Variants in MCPH1 observed in about 807,000 individuals in gnomAD.
MCPH1 encodes microcephalin.
In MCPH1, 104 loss-of-function variants were observed where a neutral mutation model predicts 84.5. The observed-to-expected ratio is 1.23, with a 90% CI of 1.05 to 1.45. MCPH1 has a LOEUF of 1.45. Among genes scored for constraint, MCPH1 ranks in the 40% most tolerant of loss-of-function variants. MCPH1 has a pLI of 0.00. For synonymous variants in MCPH1, 514 were observed against 366.8 expected (o/e 1.40, Z -4.58); for missense variants, 1,498 against 1,005.7 (o/e 1.49, Z -6.62).
chr8:6,419,312 A>G (rs1256790092), intron 3 of MCPH1, among the ~76,000 whole-genome samples: 1 of 152,182 alleles, frequency 6.6e-6, no homozygotes, highest in East Asian at 1.9e-4. Context: ...CTTGACCTCT[A>G]AGGCTCAATC....
At position 6,617,256 on chromosome 8, in the gene MCPH1, T is replaced by TGGG. The variant is rs35452133; in HGVS notation, c.2215-4190_2215-4188dup. On this transcript the variant is annotated intron_variant, in intron 12 of 13. Transcript: ENST00000344683. ...TGTATGAAAGTTATGGGTTTTTTGGTGGGGGGGGGGTGTTTTTTTTGTTTT... is the reference window on the plus strand; with the variant it reads ...TGTATGAAAGTTATGGGTTTTTTGGTGGGGGGGGGGGGGTGTTTTTTTTGTTTT... 1.9e-3 allele frequency: 210 copies of TGGG among 112,856 alleles called. 2 individuals are homozygous for TGGG. The highest frequency in any genetic ancestry group is 7.9e-3 in the African/African-American group (203 of 25,780). The allele number at this position is 112,856 out of a possible 1,614,324, so 7.0% of individuals were successfully genotyped here.
chr8:6,547,763 G>A (rs1412144294), intron 12 of MCPH1, among the ~76,000 whole-genome samples: 1 of 152,130 alleles, frequency 6.6e-6, no homozygotes, highest in Non-Finnish European at 1.5e-5. Context: ...CACTCGGTGG[G>A]AACAAAAGCT....
Position 6,502,948 on chromosome 8 carries a change from A to G in MCPH1, c.2214+3019A>G. ...GATGCAAGTTTAAGTGATAAAGTTTACAGGCTCTAATCTGGAGCATGTGGG... is the reference window on the plus strand; with the variant it reads ...GATGCAAGTTTAAGTGATAAAGTTTGCAGGCTCTAATCTGGAGCATGTGGG... On this transcript the variant is annotated intron_variant, in intron 12 of 13. Coordinates refer to ENST00000344683, the MANE Select transcript of MCPH1 (RefSeq NM_024596.5). 3 of 809,296 alleles carry G rather than the reference A, an allele frequency of 3.7e-6. No individual in the cohort carries two copies. In the East Asian group the frequency reaches 8.1e-5, roughly 22 times the overall value. 50.1% of individuals were successfully genotyped at this position (809,296 alleles called of 1,614,324 possible).
chr8:6,474,015 G>C (rs1306301103), intron 9 of MCPH1: 1 of 870,140 alleles, frequency 1.1e-6, no homozygotes, highest in Non-Finnish European at 1.9e-6. Context: ...TTGTCTTTTA[G>C]TTTCTTCTCA....
intron 3 of MCPH1, among the ~76,000 whole-genome samples, chr8:6,425,793 G>C (rs1331966138): frequency 6.6e-6 from 1 of 152,198 alleles, no homozygotes; most frequent in Non-Finnish European, 1.5e-5. Flanking sequence ...AATGGTAGTG[G>C]CTTTTCCAGC....
At chr8:6,619,263 A>T (rs1255727542) in intron 12 of MCPH1, 1 of 152,218 alleles carries the variant, frequency 6.6e-6, no homozygotes, top group Non-Finnish European at 1.5e-5. Context: ...TTTACTTTAT[A>T]CCCTTCCGTA....
chr8:6,464,602 C>T (rs560158010), intron 9 of MCPH1, among the ~76,000 whole-genome samples: 32 of 152,260 alleles, frequency 2.1e-4, no homozygotes, highest in African/African-American at 7.5e-4. Context: ...CCTCAGTGGT[C>T]GTCTTTGGCC....
intron 12 of MCPH1, among the ~76,000 whole-genome samples, chr8:6,538,226 C>A (rs1447128401): frequency 1.3e-5 from 2 of 152,166 alleles, no homozygotes; most frequent in Non-Finnish European, 2.9e-5. Flanking sequence ...AAACATTTTA[C>A]TGTTGCCCAC....
intron 1 of MCPH1, among the ~76,000 whole-genome samples, chr8:6,408,466 C>A (rs986615543): frequency 6.6e-6 from 1 of 151,958 alleles, no homozygotes; most frequent in African/African-American, 2.4e-5. Context: ...AAGCAATCCT[C>A]CCGCCTCCAC....
At chr8:6,626,662 C>A (rs2129581596) in intron 13 of MCPH1, 1 of 984,894 alleles carries the variant, frequency 1.0e-6, no homozygotes, top group East Asian at 1.1e-4. Flanking sequence ...CCCAACACTC[C>A]CATGACATAT....
intron 11 of MCPH1, among the ~76,000 whole-genome samples, chr8:6,484,879 C>G (rs1809677590): frequency 6.6e-6 from 1 of 152,220 alleles, no homozygotes; most frequent in Admixed American, 6.5e-5. Flanking sequence ...GCATCTGCCT[C>G]TGCAGAACAA....
At chr8:6,431,844 G>A (rs572590941) in intron 4 of MCPH1, among the ~76,000 whole-genome samples, 158 of 152,286 alleles carry the variant, frequency 1.0e-3, no homozygotes, top group African/African-American at 3.7e-3. Flanking sequence ...CAAGAGACAA[G>A]CAAACATTTA....
chr8:6,610,350 C>G (rs1450166903), intron 12 of MCPH1, among the ~76,000 whole-genome samples: 1 of 152,232 alleles, frequency 6.6e-6, no homozygotes, highest in South Asian at 2.1e-4. Context: ...TTAACTTTTA[C>G]TTAACCTAAT....
intron 9 of MCPH1, among the ~76,000 whole-genome samples, chr8:6,473,102 C>G (rs1807967881): frequency 6.6e-6 from 1 of 151,910 alleles, no homozygotes; most frequent in Non-Finnish European, 1.5e-5. Context: ...AAAGAATAAG[C>G]CTTTATTTTT....
chr8:6,417,231 T>C (rs769629059), intron 3 of MCPH1, among the ~76,000 whole-genome samples: 37 of 152,342 alleles, frequency 2.4e-4, no homozygotes, highest in Admixed American at 6.5e-4. Flanking sequence ...GTATATCTTT[T>C]TCTAATTAGC....
chr8:6,527,771 CAT>C lies in MCPH1; in HGVS notation c.2214+27844_2214+27845del, dbSNP rs1039995953. On this transcript the variant is annotated intron_variant, in intron 12 of 13. Transcript: ENST00000344683. The stretch of plus-strand genomic sequence containing the variant: ...TTAAAGTACCCAAGCTACAGGAAAA[CAT>C]AACAAAAACATTATTTATTAACCCA... The C allele has an allele frequency of 1.8e-4, 216 of 1,181,672 alleles. 1 individual carries two copies. Among genetic ancestry groups the C allele is most frequent in the Admixed American group, 2.8e-4 (10 of 36,214 alleles). The allele number at this position is 1,181,672 out of a possible 1,614,324, so 73.2% of individuals were successfully genotyped here.
chr8:6,570,475 C>T (rs1445944995), intron 12 of MCPH1, among the ~76,000 whole-genome samples: 1 of 152,118 alleles, frequency 6.6e-6, no homozygotes, highest in Non-Finnish European at 1.5e-5. Flanking sequence ...CCATTTCCCC[C>T]GCATTATAGT....
intron 12 of MCPH1, chr8:6,507,875 G>T (rs1017095223): frequency 6.6e-6 from 1 of 152,042 alleles, no homozygotes. Context: ...GAGCCACCGG[G>T]CCCGGCCAGA....
chr8:6,544,184 A>C (rs1466998291), intron 12 of MCPH1, among the ~76,000 whole-genome samples: 1 of 152,250 alleles, frequency 6.6e-6, no homozygotes, highest in Non-Finnish European at 1.5e-5. Flanking sequence ...ACGAATCAAC[A>C]TATTTACCAT....
Sources: allele counts gnomAD v4.1 joint callset (sites outside exome capture counted in the v4.1 genomes callset), GRCh38; gene constraint gnomAD v4.1.1; transcripts MANE v1.5; gene names NCBI Gene and HGNC (gene_info 2026-07-23, HGNC 2026-07-21).